Variants in CCT8L2 observed in about 807,000 individuals in gnomAD.
CCT8L2 encodes the protein chaperonin containing TCP1 subunit 8 like 2, also known as T-complex protein 1 subunit theta-like 2.
In CCT8L2, 29 loss-of-function variants were observed where a neutral mutation model predicts 31.5. The ratio of observed to expected loss-of-function variants is 0.92; its 90% CI spans 0.68 to 1.25. The LOEUF (loss-of-function observed/expected upper bound fraction) is 1.25, where lower values mean the gene tolerates loss of function less well. CCT8L2 is among the 50% of genes most tolerant of loss of function. The pLI is 0.00. For missense variants in CCT8L2, 589 were observed against 695.7 expected, an observed-to-expected ratio of 0.85 and a Z score of 1.73; for synonymous variants, 256 against 290.1, an observed-to-expected ratio of 0.88 and a Z score of 1.19.
In CCT8L2 at chr22:16,592,161, C is replaced by T. The variant is rs753691035; in HGVS notation, c.390G>A (p.Pro130=). Reference sequence around the variant, plus strand: ...CCGTGGCGTAGGCCTCCCGGAGCTGCGGGCGAGGCAGGCCAGCCTTCAGCA... The same window carrying T: ...CCGTGGCGTAGGCCTCCCGGAGCTGTGGGCGAGGCAGGCCAGCCTTCAGCA... ...EQLLKAGLPR[P]QLREAYATAT... Residue 130 remains proline, a synonymous_variant, in exon 1 of 1, where the codon CCG becomes CCA. Transcript: ENST00000359963. 6.2e-6 allele frequency: 10 copies of T among 1,614,144 alleles called. No individual in the cohort carries two copies. Among genetic ancestry groups the T allele is most frequent in the East Asian group, 4.5e-5 (2 of 44,878 alleles).
rs1231380812 is a variant in CCT8L2 at position 16,592,613 on chromosome 22, G to A, written c.-63C>T. On this transcript the variant is annotated 5_prime_UTR_variant, in exon 1 of 1. Transcript: ENST00000359963. ...AGATGCTCTAGAAACAGCAGCTGGG[G>A]CACTCCTGACACCGATCGTTGAAAG... 5 of 1,410,672 alleles carry A rather than the reference G, an allele frequency of 3.5e-6. No individual in the cohort carries two copies. The highest frequency in any genetic ancestry group is 4.8e-6 in the Non-Finnish European group (5 of 1,038,764). 87.4% of individuals were successfully genotyped at this position (1,410,672 alleles called of 1,614,324 possible). A position where few individuals can be genotyped will look rare whatever the true frequency, so the allele number is the denominator to read the frequency against.
chr22:16,590,815 A>T lies in CCT8L2; in HGVS notation c.*62T>A, dbSNP rs545953162. The T allele has an allele frequency of 8.6e-7, 1 of 1,159,168 alleles. No homozygotes were observed. The highest frequency in any genetic ancestry group is 1.5e-5 in the South Asian group (1 of 67,490). 71.8% of individuals were successfully genotyped at this position (1,159,168 alleles called of 1,614,324 possible). A position where few individuals can be genotyped will look rare whatever the true frequency, so the allele number is the denominator to read the frequency against. On this transcript the variant is annotated 3_prime_UTR_variant, in exon 1 of 1. Transcript: ENST00000359963. ...CAAGTACCAAACACGGAATAAAGGC[A>T]AACATTCATTTTTGGGGTGATTGTT...
In CCT8L2 at chr22:16,591,751, A is replaced by G; in HGVS notation, c.800T>C (p.Leu267Pro). The change falls in exon 1 of 1, where the codon CTA becomes CCA. Residue 267 changes from leucine (L) to proline (P), a missense_variant. Leu to Pro is a moderately conservative substitution (Grantham distance 98). Coordinates refer to ENST00000359963, the MANE Select transcript of CCT8L2 (RefSeq NM_014406.5). ...ATCGCTTCCTTTACTAAATTGAGCT[A>G]GATCAGCAGGACTAGAAAGACGGGC... Reference protein sequence around the residue: ...ATARLSSPADLAQFSKGSDQL... With the variant: ...ATARLSSPADPAQFSKGSDQL... 6.2e-7 allele frequency: 1 copy of G among 1,614,216 alleles called. No individual in the cohort carries two copies. The highest frequency in any genetic ancestry group is 1.7e-4 in the Middle Eastern group (1 of 6,060).
rs200670934 is a variant in CCT8L2 at position 16,592,229 on chromosome 22, C to T, written c.322G>A (p.Val108Met). 4.1e-4 allele frequency: 660 copies of T among 1,614,240 alleles called. No individual in the cohort carries two copies. The Middle Eastern group carries it at 4.6e-3, about 11-fold the overall frequency. ...AENSGDGTAF[V>M]VLLTEALLEQ... ...AGCAAGGCTTCCGTCAGCAGAACCA[C>T]GAAGGCTGTGCCGTCCCCACTATTC... The change falls in exon 1 of 1, where the codon GTG (valine) becomes ATG (methionine). Residue 108 changes from valine (V) to methionine (M), a missense_variant. Val to Met is a conservative substitution (Grantham distance 21). Coordinates refer to ENST00000359963, the MANE Select transcript of CCT8L2 (RefSeq NM_014406.5).
Position 16,591,520 on chromosome 22 carries a change from G to C in CCT8L2, c.1031C>G (p.Pro344Arg). The change falls in exon 1 of 1, where the codon CCA becomes CGA. Residue 344 changes from proline to arginine, a missense_variant. Coordinates refer to ENST00000359963, the MANE Select transcript of CCT8L2 (RefSeq NM_014406.5). ...LLPRLLPPQR[P>R]GKCQRVYRQE... ...CCTGTAAACCCTCTGGCACTTGCCT[G>C]GCCTCTGGGGAGGGAGCAGACGAGG... The C allele has an allele frequency of 1.2e-6, 2 of 1,614,200 alleles. No individual in the cohort carries two copies. The highest frequency in any genetic ancestry group is 1.7e-6 in the Non-Finnish European group (2 of 1,180,036).
chr22:16,591,922 C>T lies in CCT8L2; in HGVS notation c.629G>A (p.Gly210Glu), dbSNP rs745340585. The change falls in exon 1 of 1, where the codon GGG becomes GAG. Residue 210 changes from glycine (G) to glutamate (E), a missense_variant. Transcript: ENST00000359963. ...GAGGCAGGAATCCTCCAGTGTCCCC[C>T]CGGGCAGCGCGCACACCCCAACACG... The part of the protein sequence containing the change: ...PERVGVCALP[G>E]GTLEDSCLLP... 3.2e-5 allele frequency: 52 copies of T among 1,613,986 alleles called. No homozygotes were observed. Among genetic ancestry groups the T allele is most frequent in the Non-Finnish European group, 4.4e-5 (52 of 1,179,992 alleles).
chr22:16,591,056 C>T lies in CCT8L2; in HGVS notation c.1495G>A (p.Val499Ile). 6.2e-7 allele frequency: 1 copy of T among 1,614,018 alleles called. No individual in the cohort carries two copies. The highest frequency in any genetic ancestry group is 2.2e-5 in the East Asian group (1 of 44,882). Residue 499 changes from valine (V) to isoleucine (I), a missense_variant, in exon 1 of 1, where the codon GTC becomes ATC. By Grantham distance (29) the Val-to-Ile change is conservative. Transcript: ENST00000359963. ...ACTGCTCGAAATCCTTGGGCTTTGA[C>T]TATTAGGGTGTCCCACACCCCTTCC... ...AQEGVWDTLI[V>I]KAQGFRAVAE...
rs1470465722 is a variant in CCT8L2, at chr22:16,592,426, G to T, written c.125C>A (p.Thr42Asn). 6 of 1,614,190 alleles carry T rather than the reference G, an allele frequency of 3.7e-6. No homozygotes were observed. In the Middle Eastern group the frequency reaches 5.0e-4, roughly 134 times the overall value. The change falls in exon 1 of 1, where the codon ACC (threonine) becomes AAC (asparagine). Residue 42 changes from threonine (T) to asparagine (N), a missense_variant. By Grantham distance (65) the Thr-to-Asn change is moderately conservative (BLOSUM62 0). Transcript: ENST00000359963. ...GCAAGGCCGGATGACACTGGCCAGG[G>T]TCTGGACTGCAGCCAAGCTGCTCAG... ...HLLSSLAAVQ[T>N]LASVIRPCYG... is the part of the protein sequence containing the mutation.
chr22:16,591,791 T>G lies in CCT8L2; in HGVS notation c.760A>C (p.Asn254His). The G allele has an allele frequency of 6.2e-7, 1 of 1,614,170 alleles. No individual in the cohort carries two copies. The highest frequency in any genetic ancestry group is 8.5e-7 in the Non-Finnish European group (1 of 1,180,028). The change falls in exon 1 of 1, where the codon AAT (asparagine) becomes CAT (histidine). Residue 254 changes from asparagine (N) to histidine (H), a missense_variant. Transcript: ENST00000359963. ...FACPFGPAHP[N>H]APATARLSSP... The stretch of plus-strand genomic sequence containing the variant: ...GAAAGACGGGCCGTTGCTGGTGCAT[T>G]TGGATGGGCAGGACCAAAGGGGCAA...
At position 16,591,078 on chromosome 22, in the gene CCT8L2, T is replaced by C. The variant is rs1254664916; in HGVS notation, c.1473A>G (p.Glu491=). 2 of 1,613,886 alleles carry C rather than the reference T, an allele frequency of 1.2e-6. No individual in the cohort carries two copies. The highest frequency in any genetic ancestry group is 2.2e-5 in the East Asian group (1 of 44,890). The change falls in exon 1 of 1, where the codon GAA becomes GAG. Residue 491 remains glutamate, a synonymous_variant. Coordinates refer to ENST00000359963, the MANE Select transcript of CCT8L2 (RefSeq NM_014406.5). ...GTEGIINVAQ[E]GVWDTLIVKA... ...TGACTATTAGGGTGTCCCACACCCC[T>C]TCCTGGGCCACATTTATTATCCCTT...
At position 16,591,554 on chromosome 22, in the gene CCT8L2, G is replaced by A. The variant is rs371551453; in HGVS notation, c.997C>T (p.Pro333Ser). The change falls in exon 1 of 1, where the codon CCT (proline) becomes TCT (serine). Residue 333 changes from proline to serine, a missense_variant. Coordinates refer to ENST00000359963, the MANE Select transcript of CCT8L2 (RefSeq NM_014406.5). ...GGAGGGAGCAGACGAGGCAGCAGAG[G>A]TGTGTCCAACACCTCACTCAGGTAA... The part of the protein sequence containing the change: ...IIYLSEVLDT[P>S]LLPRLLPPQR... 34 of 1,614,088 alleles carry A rather than the reference G, an allele frequency of 2.1e-5. No individual in the cohort carries two copies. Among genetic ancestry groups the A allele is most frequent in the Non-Finnish European group, 2.8e-5 (33 of 1,180,048 alleles).
Position 16,591,686 on chromosome 22 carries a change from C to G in CCT8L2, c.865G>C (p.Gly289Arg). 1.2e-6 allele frequency: 2 copies of G among 1,614,232 alleles called. No individual in the cohort carries two copies. Among genetic ancestry groups the G allele is most frequent in the South Asian group, 2.2e-5 (2 of 91,080 alleles). The change falls in exon 1 of 1, where the codon GGA becomes CGA. Residue 289 changes from glycine (G) to arginine (R), a missense_variant. Coordinates refer to ENST00000359963, the MANE Select transcript of CCT8L2 (RefSeq NM_014406.5). ...EKQVGQLAAAGINVAVVLGEV... is the reference protein window; with the variant it reads ...EKQVGQLAAARINVAVVLGEV... ...CCCAACACCACTGCCACATTAATTC[C>G]TGCAGCTGCTAGCTGGCCTACTTGC...
chr22:16,591,592 C>T lies in CCT8L2; in HGVS notation c.959G>A (p.Trp320Ter), dbSNP rs144853652. The change falls in exon 1 of 1, where the codon TGG becomes TAG. Residue 320 changes from tryptophan (W) to a stop codon, truncating the protein, a stop_gained. Coordinates refer to ENST00000359963, the MANE Select transcript of CCT8L2 (RefSeq NM_014406.5). LOFTEE classifies it high-confidence loss of function. ...CTCACTCAGGTAAATGATCTCCATCCAAGACCTAGCTTGAATCACCACGAT... is the reference window on the plus strand; with the variant it reads ...CTCACTCAGGTAAATGATCTCCATCTAAGACCTAGCTTGAATCACCACGAT... ...YGIVVIQARS[W>*]MEIIYLSEVL... 5.5e-4 allele frequency: 880 copies of T among 1,614,184 alleles called. 5 individuals carry two copies. In the African/African-American group the frequency reaches 0.011, roughly 19 times the overall value.
Position 16,592,224 on chromosome 22 carries a change from A to G in CCT8L2, c.327T>C (p.Val109=). 1 of 1,614,216 alleles carries G rather than the reference A, an allele frequency of 6.2e-7. No individual in the cohort carries two copies. The highest frequency in any genetic ancestry group is 1.3e-5 in the African/African-American group (1 of 75,064). Residue 109 remains valine, a synonymous_variant, in exon 1 of 1, where the codon GTT becomes GTC. Transcript: ENST00000359963. The part of the protein sequence containing the change: ...ENSGDGTAFV[V]LLTEALLEQA... The stretch of plus-strand genomic sequence containing the variant: ...GTTCCAGCAAGGCTTCCGTCAGCAG[A>G]ACCACGAAGGCTGTGCCGTCCCCAC...
Position 16,591,923 on chromosome 22 carries a change from C to T in CCT8L2, c.628G>A (p.Gly210Arg), listed in dbSNP as rs769261313. The T allele has an allele frequency of 2.7e-5, 43 of 1,613,976 alleles. No homozygotes were observed. In the Middle Eastern group the frequency reaches 1.6e-3, roughly 62 times the overall value. The change falls in exon 1 of 1, where the codon GGG becomes AGG. Residue 210 changes from glycine (G) to arginine (R), a missense_variant. By Grantham distance (125) the Gly-to-Arg change is moderately radical. Transcript: ENST00000359963. ...PERVGVCALP[G>R]GTLEDSCLLP... Reference sequence around the variant, plus strand: ...AGGCAGGAATCCTCCAGTGTCCCCCCGGGCAGCGCGCACACCCCAACACGC... The same window carrying T: ...AGGCAGGAATCCTCCAGTGTCCCCCTGGGCAGCGCGCACACCCCAACACGC...
Position 16,591,921 on chromosome 22 carries a change from C to G in CCT8L2, c.630G>C (p.Gly210=). ...GGAGGCAGGAATCCTCCAGTGTCCC[C>G]CCGGGCAGCGCGCACACCCCAACAC... ...PERVGVCALP[G]GTLEDSCLLP... The change falls in exon 1 of 1, where the codon GGG becomes GGC. Residue 210 remains glycine, a synonymous_variant. Coordinates refer to ENST00000359963, the MANE Select transcript of CCT8L2 (RefSeq NM_014406.5). 6 of 1,614,098 alleles carry G rather than the reference C, an allele frequency of 3.7e-6. No individual in the cohort carries two copies. Among genetic ancestry groups the G allele is most frequent in the Non-Finnish European group, 5.1e-6 (6 of 1,179,982 alleles).
Position 16,592,433 on chromosome 22 carries a change from C to G in CCT8L2, c.118G>C (p.Val40Leu). The change falls in exon 1 of 1, where the codon GTC becomes CTC. Residue 40 changes from valine (V) to leucine (L), a missense_variant. Coordinates refer to ENST00000359963, the MANE Select transcript of CCT8L2 (RefSeq NM_014406.5). ...CGGATGACACTGGCCAGGGTCTGGACTGCAGCCAAGCTGCTCAGCAGGTGG... is the reference window on the plus strand; with the variant it reads ...CGGATGACACTGGCCAGGGTCTGGAGTGCAGCCAAGCTGCTCAGCAGGTGG... ...EPHLLSSLAA[V>L]QTLASVIRPC... 1 of 1,614,180 alleles carries G rather than the reference C, an allele frequency of 6.2e-7. No homozygotes were observed. The highest frequency in any genetic ancestry group is 8.5e-7 in the Non-Finnish European group (1 of 1,180,046).
rs748787150 is a variant in CCT8L2, at chr22:16,592,088, G to C, written c.463C>G (p.Leu155Val). The change falls in exon 1 of 1, where the codon CTG becomes GTG. Residue 155 changes from leucine to valine, a missense_variant. Transcript: ENST00000359963. ...CAGGATGGATCTTCCAAAGGCCCCA[G>C]AGATTGGATGGCCAGGGAGGGCAGT... is the stretch of plus-strand genomic sequence containing the variant. ...ATLPSLAIQS[L>V]GPLEDPSWAL... 1.2e-6 allele frequency: 2 copies of C among 1,614,122 alleles called. No individual in the cohort carries two copies. Among genetic ancestry groups the C allele is most frequent in the African/African-American group, 1.3e-5 (1 of 74,940 alleles).
chr22:16,591,840 A>G lies in CCT8L2; in HGVS notation c.711T>C (p.Ser237=). ...KLCGQMATVL[S]GARVALFACP... is the part of the protein sequence containing the mutation. ...AAGCAAAGAGAGCCACCCTGGCACC[A>G]CTTAACACTGTGGCCATTTGCCCAC... The change falls in exon 1 of 1, where the codon AGT becomes AGC. Residue 237 remains serine (S), a synonymous_variant. Coordinates refer to ENST00000359963, the MANE Select transcript of CCT8L2 (RefSeq NM_014406.5). 1 of 1,614,204 alleles carries G rather than the reference A, an allele frequency of 6.2e-7. No homozygotes were observed. The highest frequency in any genetic ancestry group is 8.5e-7 in the Non-Finnish European group (1 of 1,180,046).
Sources: gnomAD v4.1 joint callset for allele counts on GRCh38, gnomAD v4.1.1 for gene constraint, MANE v1.5 for transcripts, NCBI Gene and HGNC (gene_info 2026-07-23, HGNC 2026-07-21) for gene names.